FBXL13: variants seen among roughly 807,000 people sequenced by gnomAD.
FBXL13 encodes the protein F-box and leucine-rich repeat protein 13.
FBXL13 carries 67 observed loss-of-function variants against 83.6 expected under a neutral mutation model. The observed-to-expected ratio is 0.80, with a 90% confidence interval of 0.66 to 0.98. The LOEUF is 0.98. Ranked by LOEUF, FBXL13 falls within the 50% of genes least tolerant of loss-of-function variation. The probability of loss-of-function intolerance (pLI) is 0.00; values close to 1 mark genes in which losing one functional copy is unlikely to be tolerated. For missense variants in FBXL13, 822 were observed against 866.5 expected (o/e 0.95, Z 0.64); for synonymous variants, 272 against 299.5 (o/e 0.91, Z 0.95).
At chr7:103,003,577 A>T (rs567165667) in intron 6 of FBXL13, among the ~76,000 whole-genome samples, 1 of 145,858 alleles carries the variant, frequency 6.9e-6, no homozygotes, top group Non-Finnish European at 1.5e-5. Flanking sequence ...GAGCCCTTGC[A>T]CCTGGCCATT....
At chr7:102,869,777 A>G (rs1357721392) in intron 16 of FBXL13, among the ~76,000 whole-genome samples, 1 of 152,132 alleles carries the variant, frequency 6.6e-6, no homozygotes, top group Non-Finnish European at 1.5e-5. Context: ...TTCAAAAATC[A>G]GCTCGCTATA....
intron 11 of FBXL13, among the ~76,000 whole-genome samples, chr7:102,910,674 G>C (rs1213719366): frequency 6.6e-6 from 1 of 152,096 alleles, no homozygotes; most frequent in East Asian, 1.9e-4. Flanking sequence ...CCATGGGGCA[G>C]AAAGGTATGA....
intron 11 of FBXL13, among the ~76,000 whole-genome samples, chr7:102,891,796 T>C (rs888341060): frequency 2.2e-4 from 33 of 152,368 alleles, no homozygotes; most frequent in African/African-American, 7.7e-4. Context: ...AGAGCTGGGA[T>C]CTGTCAGAAG....
intron 8 of FBXL13, among the ~76,000 whole-genome samples, chr7:102,956,362 T>C (rs1824270576): frequency 6.6e-6 from 1 of 151,726 alleles, no homozygotes; most frequent in Non-Finnish European, 1.5e-5. Context: ...CTCAATAAAC[T>C]AGGTATTGAT....
At chr7:102,834,090 GAAA>G (rs1562925933) in intron 17 of FBXL13, among the ~76,000 whole-genome samples, 2,604 of 69,826 alleles carry the variant, frequency 0.037, 92 homozygotes, top group African/African-American at 0.067. Flanking sequence ...GGAAAGAAAA[GAAA>G]GAAAGAAAGA....
chr7:102,963,717 A>G (rs1045745349), intron 7 of FBXL13, 52 bp from the exon 9 acceptor site: 21 of 1,537,368 alleles, frequency 1.4e-5, no homozygotes, highest in Non-Finnish European at 1.8e-5. Context: ...CCCAAAAACA[A>G]TTGCAACAAA....
intron 18 of FBXL13, among the ~76,000 whole-genome samples, chr7:102,823,576 TATTTCAC>T (rs1275446193): frequency 6.6e-6 from 1 of 152,168 alleles, no homozygotes; most frequent in East Asian, 1.9e-4. Context: ...CTACTTAGAG[TATTTCAC>T]TTACTCCAGG....
intron 16 of FBXL13, among the ~76,000 whole-genome samples, chr7:102,858,230 A>G (rs1656128300): frequency 6.6e-6 from 1 of 152,214 alleles, no homozygotes; most frequent in African/African-American, 2.4e-5. Flanking sequence ...GTCCTCACTC[A>G]TGGGAGCTAC....
intron 8 of FBXL13, among the ~76,000 whole-genome samples, chr7:102,961,567 A>G (rs1280299499): frequency 4.9e-4 from 73 of 148,604 alleles, no homozygotes; most frequent in Non-Finnish European, 6.5e-4. Flanking sequence ...GAGGCATCAC[A>G]CTACCTGACT....
intron 6 of FBXL13, among the ~76,000 whole-genome samples, chr7:102,968,592 A>C (rs1826245791): frequency 6.6e-6 from 1 of 152,240 alleles, no homozygotes; most frequent in African/African-American, 2.4e-5. Context: ...TTTGGCTTCT[A>C]CTTCTGGAAA....
chr7:103,037,755 T>A (rs1795213612), intron 2 of FBXL13, among the ~76,000 whole-genome samples: 1 of 151,978 alleles, frequency 6.6e-6, no homozygotes, highest in African/African-American at 2.4e-5. Flanking sequence ...TACAATGAAC[T>A]ATGATCATGC....
intron 8 of FBXL13, among the ~76,000 whole-genome samples, chr7:102,938,355 T>C (rs937103901): frequency 3.9e-5 from 6 of 152,232 alleles, no homozygotes; most frequent in African/African-American, 1.2e-4. Flanking sequence ...AAGAATTTTG[T>C]ATATGCAATA....
chr7:102,885,390 T>A (rs1167776266), intron 11 of FBXL13, among the ~76,000 whole-genome samples: 1 of 152,180 alleles, frequency 6.6e-6, no homozygotes, highest in Non-Finnish European at 1.5e-5. Flanking sequence ...TCTTTTCATG[T>A]ACTTGCTAGC....
intron 11 of FBXL13, among the ~76,000 whole-genome samples, chr7:102,911,001 T>C (rs1814559779): frequency 6.6e-6 from 1 of 152,138 alleles, no homozygotes; most frequent in South Asian, 2.1e-4. Context: ...CCTCAAGTAA[T>C]CCTTCTGCCT....
chr7:102,954,731 G>A (rs1028178777), intron 8 of FBXL13, among the ~76,000 whole-genome samples: 2 of 151,914 alleles, frequency 1.3e-5, no homozygotes, highest in Non-Finnish European at 1.5e-5. Context: ...AAAAAAGGAG[G>A]GGTTGCCATC....
chr7:103,065,044 G>A (rs1230328982), intron 1 of FBXL13, among the ~76,000 whole-genome samples: 2 of 152,108 alleles, frequency 1.3e-5, no homozygotes, highest in African/African-American at 4.8e-5. Flanking sequence ...GTTGTTGTAA[G>A]CCACCAAGTG....
At chr7:102,902,016 C>G (rs1403411150) in intron 11 of FBXL13, among the ~76,000 whole-genome samples, 1 of 152,142 alleles carries the variant, frequency 6.6e-6, no homozygotes, top group African/African-American at 2.4e-5. Flanking sequence ...CCAAACTGTT[C>G]TCCATAGTGG....
chr7:102,872,806 A>G (rs1808701947), intron 16 of FBXL13, among the ~76,000 whole-genome samples: 1 of 152,246 alleles, frequency 6.6e-6, no homozygotes, highest in Non-Finnish European at 1.5e-5. Flanking sequence ...TTATCACATT[A>G]GTAAGCTATT....
chr7:103,070,337 T>G (rs1798826973), intron 1 of FBXL13, among the ~76,000 whole-genome samples: 1 of 152,010 alleles, frequency 6.6e-6, no homozygotes, highest in African/African-American at 2.4e-5. Flanking sequence ...GTTCAAGCGA[T>G]TCTCATGCCT....
Sources: gnomAD v4.1 joint callset for allele counts (sites outside exome capture counted in the v4.1 genomes callset) on GRCh38, gnomAD v4.1.1 for gene constraint, MANE v1.5 for transcripts, NCBI Gene and HGNC (gene_info 2026-07-23, HGNC 2026-07-21) for gene names.